The following EYS variants were observed in gnomAD, a reference collection of about 807,000 sequenced individuals.
EYS encodes the protein protein eyes shut homolog.
In EYS, 250 loss-of-function variants were observed where a neutral mutation model predicts 282.1. The ratio of observed to expected loss-of-function variants is 0.89; its 90% CI spans 0.80 to 0.98. The LOEUF (loss-of-function observed/expected upper bound fraction) is 0.98, where lower values mean the gene tolerates loss of function less well. EYS is among the 50% of genes least tolerant of loss of function. The probability of loss-of-function intolerance (pLI) is 0.00; values close to 1 mark genes in which losing one functional copy is unlikely to be tolerated. For missense variants in EYS, 4,016 were observed against 3,709.0 expected, an observed-to-expected ratio of 1.08 and a Z score of -2.15; for synonymous variants, 1,355 against 1,282.9, an observed-to-expected ratio of 1.06 and a Z score of -1.20.
At chr6:63,977,764 A>T (rs890898578) in intron 35 of EYS, among the ~76,000 whole-genome samples, 1 of 151,950 alleles carries the variant, frequency 6.6e-6, no homozygotes, top group Non-Finnish European at 1.5e-5. Flanking sequence ...ACAGAACCAT[A>T]ATGGCACCAG....
intron 31 of EYS, among the ~76,000 whole-genome samples, chr6:64,215,276 A>G (rs1765895626): frequency 1.3e-5 from 2 of 152,030 alleles, no homozygotes; most frequent in Non-Finnish European, 2.9e-5. Context: ...TTTAAATGCT[A>G]TGATAACCAT....
chr6:64,711,289 A>G (rs552366468), intron 22 of EYS, among the ~76,000 whole-genome samples: 1 of 152,324 alleles, frequency 6.6e-6, no homozygotes, highest in Non-Finnish European at 1.5e-5. Flanking sequence ...TAGAAAATAT[A>G]TCTTTGTATT....
At chr6:65,172,559 A>G (rs901205977) in intron 12 of EYS, among the ~76,000 whole-genome samples, 1 of 151,388 alleles carries the variant, frequency 6.6e-6, no homozygotes, top group East Asian at 2.0e-4. Context: ...AATGTAAAAC[A>G]TGTACCAAAT....
Position 65,296,019 on chromosome 6 carries a change from G to T in EYS, c.1867C>A (p.Leu623Ile), listed in dbSNP as rs1359987940. The T allele has an allele frequency of 5.8e-6, 9 of 1,551,058 alleles. No individual in the cohort carries two copies. The highest frequency in any genetic ancestry group is 7.8e-6 in the Non-Finnish European group (9 of 1,146,542). Residue 623 changes from leucine to isoleucine, a missense_variant, in exon 12 of 43, where the codon CTT becomes ATT. By Grantham distance (5) the Leu-to-Ile change is conservative. Transcript: ENST00000503581. ...CCGCTACAGTTACAATTGTGCGAAAGGGCCAGGCAGAGGCCATGCACTGAT... is the reference window on the plus strand; with the variant it reads ...CCGCTACAGTTACAATTGTGCGAAATGGCCAGGCAGAGGCCATGCACTGAT... ...SISVHGLCLA[L>I]SHNCNCSGLQ... is the part of the protein sequence containing the mutation.
chr6:63,908,824 A>G (rs1252350016), intron 35 of EYS, among the ~76,000 whole-genome samples: 1 of 152,198 alleles, frequency 6.6e-6, no homozygotes. Flanking sequence ...TGGCTATAGC[A>G]TCAGCCCTGA....
chr6:64,275,043 C>T (rs2150359090), intron 30 of EYS, among the ~76,000 whole-genome samples: 1 of 152,292 alleles, frequency 6.6e-6, no homozygotes, highest in African/African-American at 2.4e-5. Context: ...ACCTGGCAAC[C>T]TGGTCACACC....
At chr6:64,070,429 T>A (rs73762726) in intron 32 of EYS, among the ~76,000 whole-genome samples, 8,563 of 152,140 alleles carry the variant, frequency 0.056, 633 homozygotes, top group African/African-American at 0.17. Flanking sequence ...ATGGGGAATG[T>A]AGATTTTTCC....
intron 2 of EYS, among the ~76,000 whole-genome samples, chr6:65,621,965 T>C (rs974723942): frequency 9.9e-5 from 15 of 152,250 alleles, no homozygotes; most frequent in Non-Finnish European, 1.6e-4. Context: ...GTGGCAAATA[T>C]TGTGGCACAT....
intron 12 of EYS, among the ~76,000 whole-genome samples, chr6:65,168,132 A>G (rs767484224): frequency 6.0e-5 from 9 of 151,212 alleles, no homozygotes; most frequent in Non-Finnish European, 1.3e-4. Flanking sequence ...TTATTTCTCA[A>G]TCTGTTAGTG....
Position 64,058,052 on chromosome 6 carries a change from C to T in EYS, c.6725+8286G>A, listed in dbSNP as rs1771044423. On this transcript the variant is annotated intron_variant, in intron 33 of 42. Coordinates refer to ENST00000503581, the MANE Select transcript of EYS (RefSeq NM_001142800.2). ...TTGCCCAGGCTGGTCTCATAATCTT[C>T]CTATGTTGTGGGAGAGACCCAGTGG... Among the ~76,000 whole-genome samples, 3 of 152,184 alleles carry T rather than the reference C, an allele frequency of 2.0e-5. No homozygotes were observed. In the South Asian group the frequency reaches 6.2e-4, roughly 32 times the overall value.
chr6:64,169,208 C>T (rs1465771717), intron 31 of EYS, among the ~76,000 whole-genome samples: 1 of 152,226 alleles, frequency 6.6e-6, no homozygotes, highest in East Asian at 1.9e-4. Context: ...GAACGAATGA[C>T]ATGATCCTCA....
At chr6:64,013,869 T>C (rs1272584880) in intron 33 of EYS, among the ~76,000 whole-genome samples, 3 of 152,132 alleles carry the variant, frequency 2.0e-5, no homozygotes, top group African/African-American at 7.2e-5. Context: ...CAGTTCTAGA[T>C]TGGGCTAATT....
chr6:64,797,425 C>T (rs969225309), intron 22 of EYS, among the ~76,000 whole-genome samples: 7 of 151,944 alleles, frequency 4.6e-5, no homozygotes, highest in African/African-American at 1.4e-4. Context: ...TGGACCCATA[C>T]GTTTGAAATT....
At chr6:63,968,991 A>G (rs1014258509) in intron 35 of EYS, among the ~76,000 whole-genome samples, 3 of 152,252 alleles carry the variant, frequency 2.0e-5, no homozygotes, top group Non-Finnish European at 2.9e-5. Flanking sequence ...AGCATAATAC[A>G]TCAAAATTGA....
Position 63,940,949 on chromosome 6 carries a change from T to C in EYS, c.7055+43434A>G, listed in dbSNP as rs544128999. Among the ~76,000 whole-genome samples the C allele has an allele frequency of 1.9e-3, 287 of 151,636 alleles. 2 individuals carry two copies. The highest frequency in any genetic ancestry group is 3.4e-3 in the Non-Finnish European group (233 of 67,890). On this transcript the variant is annotated intron_variant, in intron 35 of 42. Coordinates refer to ENST00000503581, the MANE Select transcript of EYS (RefSeq NM_001142800.2). ...ACATGCAGTGTTTGGTTTTCTGTCC[T>C]TGCGATAGTTTGCTCAGAATGATGA...
chr6:64,237,854 G>A (rs996710164), intron 30 of EYS, among the ~76,000 whole-genome samples: 4 of 152,012 alleles, frequency 2.6e-5, no homozygotes, highest in Non-Finnish European at 5.9e-5. Context: ...TTATATTAAA[G>A]GAGGAAATAT....
chr6:65,586,389 T>C (rs944596276), intron 2 of EYS, among the ~76,000 whole-genome samples: 2 of 152,108 alleles, frequency 1.3e-5, no homozygotes, highest in African/African-American at 4.8e-5. Context: ...TGAATAATTT[T>C]ATAACCAAAA....
At chr6:64,194,586 C>T (rs1007083261) in intron 31 of EYS, among the ~76,000 whole-genome samples, 1 of 151,824 alleles carries the variant, frequency 6.6e-6, no homozygotes, top group African/African-American at 2.4e-5. Context: ...TTGGTTTTTG[C>T]TTTTTAATAT....
chr6:64,331,009 C>A (rs1770627775), intron 29 of EYS, among the ~76,000 whole-genome samples: 1 of 152,128 alleles, frequency 6.6e-6, no homozygotes, highest in Admixed American at 6.5e-5. Flanking sequence ...GAATACTTTA[C>A]TGATGAAAGC....
Sources: allele counts gnomAD v4.1 joint callset (sites outside exome capture counted in the v4.1 genomes callset), GRCh38; gene constraint gnomAD v4.1.1; transcripts MANE v1.5; gene names NCBI Gene and HGNC (gene_info 2026-07-23, HGNC 2026-07-21).